Variants in SLC31A2 observed in about 807,000 individuals in gnomAD.
SLC31A2 encodes the protein protein SLC31A2.
In SLC31A2, 16 loss-of-function variants were observed where a neutral mutation model predicts 14.4. The ratio of observed to expected loss-of-function variants is 1.11; its 90% confidence interval spans 0.75 to 1.69. The LOEUF (loss-of-function observed/expected upper bound fraction) is 1.69. SLC31A2 is among the 40% of genes most tolerant of loss of function. The pLI is 0.00. For missense variants in SLC31A2, 140 were observed against 173.9 expected, an observed-to-expected ratio of 0.81 and a Z score of 1.10; for synonymous variants, 56 against 68.7, an observed-to-expected ratio of 0.82 and a Z score of 0.91.
rs957755382 is a variant in SLC31A2, at chr9:113,156,656, A to G, written c.7-1071A>G. Among the ~76,000 whole-genome samples the G allele has an allele frequency of 2.0e-5, 3 of 152,310 alleles. No homozygotes were observed. The South Asian group carries it at 6.2e-4, about 32-fold the overall frequency. On this transcript the variant is annotated intron_variant, in intron 1 of 3. Coordinates refer to ENST00000259392, the MANE Select transcript of SLC31A2 (RefSeq NM_001860.3). ...CAGTGTTTGCAGAACTGCTTGTGCT[A>G]GCTGAGGGCTTACCTGGGGACCAGA...
intron 1 of SLC31A2, among the ~76,000 whole-genome samples, chr9:113,154,929 C>T (rs767325876): frequency 6.6e-6 from 1 of 152,206 alleles, no homozygotes; most frequent in African/African-American, 2.4e-5. Flanking sequence ...GAACATCCTT[C>T]GGGGGCTAAG....
intron 3 of SLC31A2, chr9:113,162,168 G>T: frequency 3.2e-6 from 1 of 311,938 alleles, no homozygotes; most frequent in South Asian, 2.7e-5. Flanking sequence ...CCTCTGTCCA[G>T]CCCCAGCCTC....
intron 1 of SLC31A2, among the ~76,000 whole-genome samples, chr9:113,157,437 GTC>G (rs764710219): frequency 6.7e-4 from 102 of 152,354 alleles, no homozygotes; most frequent in Admixed American, 1.2e-3. Flanking sequence ...TCCCCACATA[GTC>G]TGAGGACACT....
intron 1 of SLC31A2, among the ~76,000 whole-genome samples, chr9:113,154,359 G>A (rs945963324): frequency 3.9e-5 from 6 of 152,184 alleles, no homozygotes; most frequent in South Asian, 2.1e-4. Context: ...TCAAGGCCAC[G>A]CAGCTGGTTC....
chr9:113,155,391 A>G (rs1327476742), intron 1 of SLC31A2, among the ~76,000 whole-genome samples: 4 of 152,272 alleles, frequency 2.6e-5, no homozygotes, highest in Non-Finnish European at 5.9e-5. Context: ...AGTCTCATCT[A>G]TGAAATGGAG....
In SLC31A2 at chr9:113,151,084, A is replaced by T; in HGVS notation, c.6+4A>T. ...GCCCTGCGCACTCACCATGGCGGTAAGGGCCGGGCGCTACGGTGAAGAGGG... is the reference window on the plus strand; with the variant it reads ...GCCCTGCGCACTCACCATGGCGGTATGGGCCGGGCGCTACGGTGAAGAGGG... On this transcript the variant is annotated splice_donor_region_variant and intron_variant, in intron 1 of 3. Coordinates refer to ENST00000259392, the MANE Select transcript of SLC31A2 (RefSeq NM_001860.3). This position sits in a 1 kb window ranked among gnomAD's most constrained non-coding sequence, Gnocchi z 4.2. 2 of 1,306,624 alleles carry T rather than the reference A, an allele frequency of 1.5e-6. No individual in the cohort carries two copies. Among genetic ancestry groups the T allele is most frequent in the Non-Finnish European group, 2.0e-6 (2 of 1,019,540 alleles). The allele number at this position is 1,306,624 out of a possible 1,614,324, so 80.9% of individuals were successfully genotyped here. A position where few individuals can be genotyped will look rare whatever the true frequency, so the allele number is the denominator to read the frequency against.
chr9:113,155,158 C>T (rs1829918338), intron 1 of SLC31A2, among the ~76,000 whole-genome samples: 3 of 152,216 alleles, frequency 2.0e-5, no homozygotes, highest in Admixed American at 1.3e-4. Flanking sequence ...CTGTTTTCCT[C>T]TTGCCAAATG....
chr9:113,158,615 A>G (rs1022148737), intron 2 of SLC31A2, among the ~76,000 whole-genome samples: 4 of 152,176 alleles, frequency 2.6e-5, no homozygotes, highest in Non-Finnish European at 4.4e-5. Context: ...CTAGGACCTC[A>G]GCTGGAGTTG....
chr9:113,159,497 A>T (rs1473444281), intron 2 of SLC31A2, among the ~76,000 whole-genome samples: 2 of 152,044 alleles, frequency 1.3e-5, no homozygotes, highest in African/African-American at 2.4e-5. Flanking sequence ...AATTACCTAT[A>T]ATTTTATGTT....
At chr9:113,162,552 T>C (rs890955781) in intron 3 of SLC31A2, 197 bp from the exon 4 acceptor site, 1 of 478,888 alleles carries the variant, frequency 2.1e-6, no homozygotes, top group Admixed American at 4.0e-5. Context: ...AAGATATGTC[T>C]CTTTAAAAAT....
chr9:113,159,716 G>T (rs930052661), intron 2 of SLC31A2, among the ~76,000 whole-genome samples: 1 of 152,080 alleles, frequency 6.6e-6, no homozygotes, highest in Non-Finnish European at 1.5e-5. Context: ...ACAAGTTAAG[G>T]GTACAGTCCC....
In SLC31A2 at chr9:113,163,850, T is replaced by A. The variant is rs536317644; in HGVS notation, c.*933T>A. Reference sequence around the variant, plus strand: ...ATACTTAATATTCTCTATTTATTACTTACTGCTTACTCGTAATGATCTAGT... The same window carrying A: ...ATACTTAATATTCTCTATTTATTACATACTGCTTACTCGTAATGATCTAGT... On this transcript the variant is annotated 3_prime_UTR_variant, in exon 4 of 4. Coordinates refer to ENST00000259392, the MANE Select transcript of SLC31A2 (RefSeq NM_001860.3). The A allele has an allele frequency of 6.5e-6, 1 of 152,786 alleles. No homozygotes were observed. Among genetic ancestry groups the A allele is most frequent in the South Asian group, 2.1e-4 (1 of 4,832 alleles). The allele number at this position is 152,786 out of a possible 1,614,324, so 9.5% of individuals were successfully genotyped here.
intron 2 of SLC31A2, among the ~76,000 whole-genome samples, chr9:113,160,391 T>C (rs1829993537): frequency 6.6e-6 from 1 of 152,152 alleles, no homozygotes; most frequent in Non-Finnish European, 1.5e-5. Flanking sequence ...TAGTTGTACA[T>C]GTTTTGGGGT....
At chr9:113,157,060 G>GT (rs1275517362) in intron 1 of SLC31A2, among the ~76,000 whole-genome samples, 2 of 152,198 alleles carry the variant, frequency 1.3e-5, no homozygotes, top group African/African-American at 4.8e-5. Context: ...TGAACACAAG[G>GT]TGGAGCAAGC....
At chr9:113,161,247 G>A in intron 2 of SLC31A2, 2 of 482,164 alleles carry the variant, frequency 4.1e-6, no homozygotes, top group Non-Finnish European at 7.4e-6. Context: ...CAGCCTGCTG[G>A]GGGAGTGGGT....
intron 2 of SLC31A2, chr9:113,158,083 T>C (rs1343693611): frequency 3.8e-6 from 2 of 523,334 alleles, no homozygotes; most frequent in Admixed American, 4.5e-5. Context: ...GAGAGACTCG[T>C]GCAGGGTCAC....
In SLC31A2 at chr9:113,151,688, C is replaced by T. The variant is rs1277147511; in HGVS notation, c.6+608C>T. The T allele has an allele frequency of 6.6e-6, 1 of 152,228 alleles. No homozygotes were observed. Among genetic ancestry groups the T allele is most frequent in the Non-Finnish European group, 1.5e-5 (1 of 68,038 alleles). 9.4% of individuals were successfully genotyped at this position (152,228 alleles called of 1,614,324 possible). The stretch of plus-strand genomic sequence containing the variant: ...CTGGAGAGAACGACAGCTTGCAAGA[C>T]TCGTTCGTCTTTGAAGAAGTCATAT... On this transcript the variant is annotated intron_variant, in intron 1 of 3. Coordinates refer to ENST00000259392, the MANE Select transcript of SLC31A2 (RefSeq NM_001860.3). This position sits in a 1 kb window ranked among gnomAD's most constrained non-coding sequence, Gnocchi z 4.2.
chr9:113,162,714 T>C, intron 3 of SLC31A2, 35 bp from the exon 4 acceptor site: 1 of 1,586,296 alleles, frequency 6.3e-7, no homozygotes, highest in Non-Finnish European at 8.6e-7. Flanking sequence ...TACCAGCTCA[T>C]TACCAGGATT....
chr9:113,155,694 C>T (rs1053653755), intron 1 of SLC31A2, among the ~76,000 whole-genome samples: 5 of 152,122 alleles, frequency 3.3e-5, no homozygotes, highest in African/African-American at 9.7e-5. Context: ...ACCATAGAAT[C>T]CATTTTTCCC....
Sources: gnomAD v4.1 joint callset for allele counts (sites outside exome capture counted in the v4.1 genomes callset) on GRCh38, gnomAD v4.1.1 for gene constraint, Gnocchi (gnomAD v3.1) non-coding constraint, MANE v1.5 for transcripts, NCBI Gene and HGNC (gene_info 2026-07-23, HGNC 2026-07-21) for gene names.